The following FSCN1 variants were observed in gnomAD, a reference collection of about 807,000 sequenced individuals.
The protein encoded by FSCN1 is fascin.
Under a neutral mutation model 39.7 loss-of-function variants are expected in FSCN1, and 10 were observed. The ratio of observed to expected loss-of-function variants is 0.25; its 90% CI spans 0.16 to 0.43. The LOEUF (loss-of-function observed/expected upper bound fraction) is 0.43. Ranked by LOEUF, FSCN1 falls within the 20% of genes least tolerant of loss-of-function variation. The pLI, the probability that FSCN1 is intolerant of heterozygous loss-of-function variation, is 1.00. For missense variants in FSCN1, 525 were observed against 723.8 expected, an observed-to-expected ratio of 0.73 and a Z score of 3.15; for synonymous variants, 322 against 320.0, an observed-to-expected ratio of 1.01 and a Z score of -0.07.
At chr7:5,596,131 G>C (rs1214852701) in intron 1 of FSCN1, among the ~76,000 whole-genome samples, 1 of 151,816 alleles carries the variant, frequency 6.6e-6, no homozygotes, top group African/African-American at 2.4e-5. Context: ...GGGGGCTTTT[G>C]GGAACTGGAG....
rs191200857 is a variant in FSCN1 at position 5,599,364 on chromosome 7, G to C, written c.833-3893G>C. Among the ~76,000 whole-genome samples the C allele has an allele frequency of 1.3e-5, 2 of 152,304 alleles. No individual in the cohort carries two copies. The highest frequency in any genetic ancestry group is 3.9e-4 in the East Asian group (2 of 5,182). ...CGTGGCAAGAGGGCCACCCACCTCC[G>C]GTCCAGAGAGCCAGCCAGACCCTTA... On this transcript the variant is annotated intron_variant, in intron 1 of 4. Coordinates refer to ENST00000382361, the MANE Select transcript of FSCN1 (RefSeq NM_003088.4). The surrounding 1 kb of genome is among the most constrained non-coding windows in gnomAD (Gnocchi z 5.6).
At position 5,603,860 on chromosome 7, in the gene FSCN1, C is replaced by T. The variant is rs763461929; in HGVS notation, c.1112-3C>T. Reference sequence around the variant, plus strand: ...CTCACTGACTCCCCTCTTTCTGGGACAGGGGACTCAGAGCTCTTCCTCATG... The same window carrying T: ...CTCACTGACTCCCCTCTTTCTGGGATAGGGGACTCAGAGCTCTTCCTCATG... On this transcript the variant is annotated splice_region_variant and splice_polypyrimidine_tract_variant and intron_variant, in intron 3 of 4. Transcript: ENST00000382361. This position sits in a 1 kb window ranked among gnomAD's most constrained non-coding sequence, Gnocchi z 8.5. The T allele has an allele frequency of 3.1e-6, 5 of 1,611,870 alleles. No homozygotes were observed. The South Asian group carries it at 3.3e-5, about 11-fold the overall frequency.
chr7:5,594,211 G>T (rs1272319961), intron 1 of FSCN1, among the ~76,000 whole-genome samples: 1 of 152,168 alleles, frequency 6.6e-6, no homozygotes, highest in Non-Finnish European at 1.5e-5. Flanking sequence ...ACCCGCAAGG[G>T]CGCGCCTCCA....
rs770432135 is a variant in FSCN1 at position 5,605,361 on chromosome 7, G to C, written c.1369G>C (p.Asp457His). The part of the protein sequence containing the change: ...TPVDFFFEFC[D>H]YNKVAIKVGG... ...TGTGGACTTCTTCTTCGAGTTCTGC[G>C]ACTATAACAAGGTGGCCATCAAGGT... is the stretch of plus-strand genomic sequence containing the variant. Residue 457 changes from aspartate (D) to histidine (H), a missense_variant, in exon 5 of 5, where the codon GAC becomes CAC. By Grantham distance (81) the Asp-to-His change is moderately conservative (BLOSUM62 -1). Transcript: ENST00000382361. This position sits in a 1 kb window ranked among gnomAD's most constrained non-coding sequence, Gnocchi z 6.9. 18 of 1,613,740 alleles carry C rather than the reference G, an allele frequency of 1.1e-5. No individual in the cohort carries two copies. The African/African-American group carries it at 2.4e-4, about 22-fold the overall frequency.
rs564777200 is a variant in FSCN1 at position 5,605,546 on chromosome 7, G to A, written c.*72G>A. ...AACCCTCCCTGCTAACCCCTTCTCCGCCAGGTGGGCTCCAGGGCGGGAGGC... is the reference window on the plus strand; with the variant it reads ...AACCCTCCCTGCTAACCCCTTCTCCACCAGGTGGGCTCCAGGGCGGGAGGC... On this transcript the variant is annotated 3_prime_UTR_variant, in exon 5 of 5. Transcript: ENST00000382361. The surrounding 1 kb of genome is among the most constrained non-coding windows in gnomAD (Gnocchi z 6.9). 6 of 1,160,678 alleles carry A rather than the reference G, an allele frequency of 5.2e-6. No individual in the cohort carries two copies. The East Asian group carries it at 7.7e-5, about 15-fold the overall frequency. The allele number at this position is 1,160,678 out of a possible 1,614,324, so 71.9% of individuals were successfully genotyped here.
At position 5,605,402 on chromosome 7, in the gene FSCN1, G is replaced by T; in HGVS notation, c.1410G>T (p.Leu470=). ...CCATCAAGGTGGGCGGGCGCTACCTGAAGGGCGACCACGCAGGCGTCCTGA... is the reference window on the plus strand; with the variant it reads ...CCATCAAGGTGGGCGGGCGCTACCTTAAGGGCGACCACGCAGGCGTCCTGA... The part of the protein sequence containing the change: ...KVAIKVGGRY[L]KGDHAGVLKA... Residue 470 remains leucine (L), a synonymous_variant, in exon 5 of 5, where the codon CTG becomes CTT. Transcript: ENST00000382361. The surrounding 1 kb of genome is among the most constrained non-coding windows in gnomAD (Gnocchi z 6.9). 1 of 1,613,290 alleles carries T rather than the reference G, an allele frequency of 6.2e-7. No individual in the cohort carries two copies. Among genetic ancestry groups the T allele is most frequent in the Non-Finnish European group, 8.5e-7 (1 of 1,179,690 alleles).
chr7:5,593,479 C>A lies in FSCN1; in HGVS notation c.543C>A (p.Phe181Leu). Residue 181 changes from phenylalanine (F) to leucine (L), a missense_variant, in exon 1 of 5, where the codon TTC (phenylalanine) becomes TTA (leucine). Physicochemically the swap from Phe to Leu is conservative, Grantham distance 22. Around this residue, in one of 3 missense-constraint regions of FSCN1, gnomAD observed 246 missense variants for 350.6 expected, o/e 0.70. Transcript: ENST00000382361. ...WGVDSLITLA[F>L]QDQRYSVQTA... ...TCGACTCGCTCATCACCCTCGCCTT[C>A]CAGGACCAGCGCTACAGCGTGCAGA... 6.2e-7 allele frequency: 1 copy of A among 1,611,430 alleles called. No homozygotes were observed. Among genetic ancestry groups the A allele is most frequent in the Non-Finnish European group, 8.5e-7 (1 of 1,179,676 alleles).
chr7:5,605,476 G>A lies in FSCN1; in HGVS notation c.*2G>A. 6.4e-7 allele frequency: 1 copy of A among 1,553,586 alleles called. No homozygotes were observed. Among genetic ancestry groups the A allele is most frequent in the East Asian group, 2.4e-5 (1 of 41,542 alleles). On this transcript the variant is annotated 3_prime_UTR_variant, in exon 5 of 5. Transcript: ENST00000382361. This position sits in a 1 kb window ranked among gnomAD's most constrained non-coding sequence, Gnocchi z 6.9. Reference sequence around the variant, plus strand: ...CCCGCCTCGCTCTGGGAGTACTAGGGCCGGCCCGTCCTTCCCCGCCCCTGC... The same window carrying A: ...CCCGCCTCGCTCTGGGAGTACTAGGACCGGCCCGTCCTTCCCCGCCCCTGC...
chr7:5,604,044 T>A lies in FSCN1; in HGVS notation c.1279+14T>A, dbSNP rs1470107581. 13 of 1,611,056 alleles carry A rather than the reference T, an allele frequency of 8.1e-6. No homozygotes were observed. Among genetic ancestry groups the A allele is most frequent in the Non-Finnish European group, 1.1e-5 (13 of 1,178,976 alleles). ...ACAACATCAAAGGCAGGTTCTCCTG[T>A]GGGCAGCTGCTGGGCAGGGAACCCC... On this transcript the variant is annotated intron_variant, in intron 4 of 4. Coordinates refer to ENST00000382361, the MANE Select transcript of FSCN1 (RefSeq NM_003088.4).
chr7:5,598,267 G>T (rs1192463905), intron 1 of FSCN1, among the ~76,000 whole-genome samples: 5 of 152,224 alleles, frequency 3.3e-5, no homozygotes, highest in African/African-American at 9.6e-5. Context: ...CTAAACCTTT[G>T]CATCAAACCA....
At chr7:5,594,312 G>A (rs375211995) in intron 1 of FSCN1, among the ~76,000 whole-genome samples, 1 of 151,786 alleles carries the variant, frequency 6.6e-6, no homozygotes, top group East Asian at 2.0e-4. Flanking sequence ...CCGTCTGCCC[G>A]GCCTTCCTCC....
chr7:5,593,035 G>C lies in FSCN1; in HGVS notation c.99G>C (p.Val33=). 1 of 1,599,168 alleles carries C rather than the reference G, an allele frequency of 6.3e-7. No homozygotes were observed. The highest frequency in any genetic ancestry group is 8.5e-7 in the Non-Finnish European group (1 of 1,173,628). The part of the protein sequence containing the change: ...YLTAEAFGFK[V]NASASSLKKK... The stretch of plus-strand genomic sequence containing the variant: ...CGGCCGAGGCGTTCGGGTTCAAGGT[G>C]AACGCGTCCGCCAGCAGCCTGAAGA... The change falls in exon 1 of 5, where the codon GTG becomes GTC. Residue 33 remains valine (V), a synonymous_variant. Transcript: ENST00000382361.
In FSCN1 at chr7:5,604,015, G is replaced by A. The variant is rs202027851; in HGVS notation, c.1264G>A (p.Ala422Thr). The A allele has an allele frequency of 3.1e-5, 50 of 1,613,410 alleles. No individual in the cohort carries two copies. Among genetic ancestry groups the A allele is most frequent in the South Asian group, 3.3e-5 (3 of 91,076 alleles). Residue 422 changes from alanine (A) to threonine (T), a missense_variant, in exon 4 of 5, where the codon GCC becomes ACC. Physicochemically the swap from Ala to Thr is moderately conservative, Grantham distance 58. Transcript: ENST00000382361. ...DVFQLEFNDGAYNIKDSTGKY... is the reference protein window; with the variant it reads ...DVFQLEFNDGTYNIKDSTGKY... ...CTTCCAGCTGGAGTTCAACGATGGC[G>A]CCTACAACATCAAAGGCAGGTTCTC...
chr7:5,595,880 G>C (rs191939123), intron 1 of FSCN1, among the ~76,000 whole-genome samples: 1 of 152,176 alleles, frequency 6.6e-6, no homozygotes, highest in African/African-American at 2.4e-5. Context: ...TTTTTGGCGA[G>C]CCTGGGCAGA....
rs1283245703 is a variant in FSCN1 at position 5,599,816 on chromosome 7, A to G, written c.833-3441A>G. Among the ~76,000 whole-genome samples the G allele has an allele frequency of 1.3e-5, 2 of 151,738 alleles. No individual in the cohort carries two copies. The highest frequency in any genetic ancestry group is 4.8e-5 in the African/African-American group (2 of 41,306). ...AGCAAGACCCTATCTCTAAAAAAAAAATGGAATTGAGGATGTGTCCTCTGG... is the reference window on the plus strand; with the variant it reads ...AGCAAGACCCTATCTCTAAAAAAAAGATGGAATTGAGGATGTGTCCTCTGG... On this transcript the variant is annotated intron_variant, in intron 1 of 4. Transcript: ENST00000382361. This position sits in a 1 kb window ranked among gnomAD's most constrained non-coding sequence, Gnocchi z 5.6.
chr7:5,593,822 A>C (rs1785677962), intron 1 of FSCN1, 54 bp downstream of exon 1: 1 of 1,207,776 alleles, frequency 8.3e-7, no homozygotes. Context: ...AGCGCACCCC[A>C]CCCGCGCCCC....
chr7:5,598,974 G>GC (rs1785778752), intron 1 of FSCN1, among the ~76,000 whole-genome samples: 1 of 152,236 alleles, frequency 6.6e-6, no homozygotes, highest in African/African-American at 2.4e-5. Flanking sequence ...TGGCTGGCCT[G>GC]ACGGCTCCCT....
rs760536657 is a variant in FSCN1, at chr7:5,603,378, G to T, written c.954G>T (p.Thr318=). 1.2e-6 allele frequency: 2 copies of T among 1,613,590 alleles called. No homozygotes were observed. Among genetic ancestry groups the T allele is most frequent in the East Asian group, 4.5e-5 (2 of 44,866 alleles). Residue 318 remains threonine (T), a synonymous_variant, in exon 2 of 5, where the codon ACG becomes ACT. Transcript: ENST00000382361. The surrounding 1 kb of genome is among the most constrained non-coding windows in gnomAD (Gnocchi z 8.5). ...ACACGGGCAAGTACTGGACGCTGAC[G>T]GCCACCGGGGGCGTGCAGTCCACCG... ...RTHTGKYWTL[T]ATGGVQSTAS... is the part of the protein sequence containing the mutation.
At chr7:5,600,285 G>T (rs1188982313) in intron 1 of FSCN1, among the ~76,000 whole-genome samples, 3 of 151,704 alleles carry the variant, frequency 2.0e-5, no homozygotes, top group Non-Finnish European at 4.4e-5. Flanking sequence ...ATAGTGGCGG[G>T]TGCCTGTAAT....
Sources: allele counts gnomAD v4.1 joint callset (sites outside exome capture counted in the v4.1 genomes callset), GRCh38; gene constraint gnomAD v4.1.1; regional missense constraint gnomAD v4.1.1; non-coding constraint Gnocchi (gnomAD v3.1); transcripts MANE v1.5; gene names NCBI Gene and HGNC (gene_info 2026-07-23, HGNC 2026-07-21).